Variants in HPS5 observed in about 807,000 individuals in gnomAD.
The protein encoded by HPS5 is HPS5 biogenesis of lysosomal organelles complex 2 subunit 2, also known as BLOC-2 complex member HPS5.
HPS5 carries 83 observed loss-of-function variants against 128.0 expected under a neutral mutation model. That is an observed-to-expected ratio of 0.65 (90% CI 0.54 to 0.78). The LOEUF is 0.78. HPS5 is among the 30% of genes least tolerant of loss of function. The pLI, the probability that HPS5 is intolerant of heterozygous loss-of-function variation, is 0.00. For synonymous variants in HPS5, 475 were observed against 470.2 expected (o/e 1.01, Z -0.13); for missense variants, 1,281 against 1,326.2 (o/e 0.97, Z 0.53).
chr11:18,299,755 G>C (rs1052967578), intron 9 of HPS5, among the ~76,000 whole-genome samples: 7 of 152,296 alleles, frequency 4.6e-5, no homozygotes, highest in Admixed American at 4.6e-4. Context: ...TAAAGACTCA[G>C]GGCAATAGAG....
intron 8 of HPS5, among the ~76,000 whole-genome samples, chr11:18,301,642 ACAG>A (rs1307941304): frequency 6.6e-6 from 1 of 152,110 alleles, no homozygotes; most frequent in Non-Finnish European, 1.5e-5. Flanking sequence ...ACTTTTAAGA[ACAG>A]TAATATTTTG....
rs569784986 is a variant in HPS5 at position 18,283,697 on chromosome 11, A to AT, written c.3058+97dup. On this transcript the variant is annotated intron_variant, in intron 21 of 22. Transcript: ENST00000349215. ...AACTAAGTGGAATCACATATTAAAT[A>AT]TATGATCATTGAAAGGTTCACCAAA... 844 of 797,554 alleles carry AT rather than the reference A, an allele frequency of 1.1e-3. 10 individuals are homozygous for AT. Among genetic ancestry groups the AT allele is most frequent in the South Asian group, 5.6e-3 (402 of 72,364 alleles). 49.4% of individuals were successfully genotyped at this position (797,554 alleles called of 1,614,324 possible).
chr11:18,296,099 T>A lies in HPS5; in HGVS notation c.1534A>T (p.Met512Leu). 6.2e-7 allele frequency: 1 copy of A among 1,613,298 alleles called. No individual in the cohort carries two copies. The highest frequency in any genetic ancestry group is 1.6e-4 in the Middle Eastern group (1 of 6,062). The change falls in exon 13 of 23, where the codon ATG becomes TTG. Residue 512 changes from methionine to leucine, a missense_variant. Met to Leu is a conservative substitution (Grantham distance 15). Transcript: ENST00000349215. ...GTTTCATTCTTATCTGTCTCAAACA[T>A]CACTGGAGCATGAGAAACATTGTCT... is the stretch of plus-strand genomic sequence containing the variant. ...NEDNVSHAPV[M>L]FETDKNETFL...
intron 12 of HPS5, 26 bp from the exon 13 acceptor site, chr11:18,296,148 GAAAC>G (rs1861043956): frequency 1.9e-6 from 3 of 1,609,844 alleles, no homozygotes; most frequent in Non-Finnish European, 2.5e-6. Context: ...AGGAAAAAAA[GAAAC>G]AAAATCTAAT....
At chr11:18,282,794 T>C (rs1404844932) in intron 21 of HPS5, among the ~76,000 whole-genome samples, 1 of 152,070 alleles carries the variant, frequency 6.6e-6, no homozygotes, top group African/African-American at 2.4e-5. Flanking sequence ...TGATTCTGCC[T>C]GGAAGATCTG....
chr11:18,288,762 C>T (rs1465235181), intron 16 of HPS5, among the ~76,000 whole-genome samples: 1 of 101,306 alleles, frequency 9.9e-6, no homozygotes, highest in Non-Finnish European at 2.1e-5. Context: ...GTGTGTGCAG[C>T]GACGGGGTCT....
chr11:18,294,085 T>A (rs1199315051), intron 14 of HPS5, among the ~76,000 whole-genome samples: 2 of 152,202 alleles, frequency 1.3e-5, no homozygotes, highest in African/African-American at 4.8e-5. Context: ...TTCCCTGAAC[T>A]ATAAGGCAGA....
intron 14 of HPS5, among the ~76,000 whole-genome samples, chr11:18,294,542 G>C (rs1375463315): frequency 6.6e-6 from 1 of 152,088 alleles, no homozygotes; most frequent in Non-Finnish European, 1.5e-5. Context: ...AGAGATTATG[G>C]GGGAAGGAGG....
At chr11:18,289,046 AG>A (rs1264415373) in intron 16 of HPS5, among the ~76,000 whole-genome samples, 1 of 152,168 alleles carries the variant, frequency 6.6e-6, no homozygotes, top group Non-Finnish European at 1.5e-5. Context: ...AAGCTGGGCA[AG>A]TATTTTTCAA....
At chr11:18,296,441 A>AT (rs1479607280) in intron 12 of HPS5, 2 of 551,660 alleles carry the variant, frequency 3.6e-6, no homozygotes, top group Non-Finnish European at 6.4e-6. Context: ...AAGGAAGGCA[A>AT]TGACCCCCAA....
Position 18,285,329 on chromosome 11 carries a change from A to G in HPS5, c.2951+17T>C. On this transcript the variant is annotated intron_variant, in intron 20 of 22. Transcript: ENST00000349215. ...GTTTCTAACCTTAACTTCAGTTTCT[A>G]AAAAATTCTCACTTACCCACAAGAC... The G allele has an allele frequency of 1.3e-6, 2 of 1,520,428 alleles. No individual in the cohort carries two copies. The highest frequency in any genetic ancestry group is 1.1e-5 in the South Asian group (1 of 89,014). The allele number at this position is 1,520,428 out of a possible 1,614,324, so 94.2% of individuals were successfully genotyped here.
chr11:18,297,798 G>C, intron 10 of HPS5, 81 bp from the exon 11 acceptor site: 1 of 1,367,852 alleles, frequency 7.3e-7, no homozygotes, highest in East Asian at 2.3e-5. Flanking sequence ...AAGAGGTCTA[G>C]GCCGGGCACG....
Position 18,292,002 on chromosome 11 carries a change from G to A in HPS5, c.1880C>T (p.Pro627Leu). The A allele has an allele frequency of 6.2e-7, 1 of 1,613,716 alleles. No homozygotes were observed. Among genetic ancestry groups the A allele is most frequent in the Non-Finnish European group, 8.5e-7 (1 of 1,179,850 alleles). The change falls in exon 16 of 23, where the codon CCT becomes CTT. Residue 627 changes from proline (P) to leucine (L), a missense_variant. Coordinates refer to ENST00000349215, the MANE Select transcript of HPS5 (RefSeq NM_181507.2). ...TAEAMTKLQDPLVLFESESLR... is the reference protein window; with the variant it reads ...TAEAMTKLQDLLVLFESESLR... Reference sequence around the variant, plus strand: ...AGACTCGGATTCAAATAAAACCAGAGGGTCCTGTAGCTTGGTCCTATACAA... The same window carrying A: ...AGACTCGGATTCAAATAAAACCAGAAGGTCCTGTAGCTTGGTCCTATACAA...
At chr11:18,282,457 G>T (rs1352249560) in intron 21 of HPS5, among the ~76,000 whole-genome samples, 1 of 151,250 alleles carries the variant, frequency 6.6e-6, no homozygotes, top group African/African-American at 2.4e-5. Flanking sequence ...GAGAGACAGG[G>T]TCTCACTACC....
chr11:18,300,714 A>T, intron 9 of HPS5, 114 bp downstream of exon 9: 1 of 580,014 alleles, frequency 1.7e-6, no homozygotes, highest in Non-Finnish European at 3.1e-6. Flanking sequence ...AAAAAAAAAA[A>T]AAAAAAGTCA....
chr11:18,279,922 A>G lies in HPS5; in HGVS notation c.3350T>C (p.Leu1117Pro). The G allele has an allele frequency of 6.2e-7, 1 of 1,614,228 alleles. No individual in the cohort carries two copies. Among genetic ancestry groups the G allele is most frequent in the East Asian group, 2.2e-5 (1 of 44,890 alleles). ...CCAGAGAAACCGATCGCATTTTTCA[A>G]GCATGCTTTGTATCAAGGCCCTGAA... The part of the protein sequence containing the change: ...KRQRALIQSM[L>P]EKCDRFLWSQ... Residue 1117 changes from leucine to proline, a missense_variant, in exon 23 of 23, where the codon CTT becomes CCT. Physicochemically the swap from Leu to Pro is moderately conservative, Grantham distance 98 (BLOSUM62 -3). Coordinates refer to ENST00000349215, the MANE Select transcript of HPS5 (RefSeq NM_181507.2).
chr11:18,282,881 G>C (rs1590044866), intron 21 of HPS5, among the ~76,000 whole-genome samples: 2 of 152,118 alleles, frequency 1.3e-5, no homozygotes, highest in East Asian at 3.8e-4. Flanking sequence ...TATGCATGGG[G>C]CCCACATAAT....
intron 6 of HPS5, 91 bp downstream of exon 6, chr11:18,308,847 TCTGTATAA>T: frequency 9.1e-7 from 1 of 1,095,236 alleles, no homozygotes. Context: ...AGAAAAAAAA[TCTGTATAA>T]CTGATTGATG....
At chr11:18,309,828 C>T (rs556853516) in intron 5 of HPS5, among the ~76,000 whole-genome samples, 2 of 152,274 alleles carry the variant, frequency 1.3e-5, no homozygotes, top group African/African-American at 4.8e-5. Flanking sequence ...TGGCGAAACC[C>T]TGTCTCTACA....
Sources: allele counts gnomAD v4.1 joint callset (sites outside exome capture counted in the v4.1 genomes callset), GRCh38; gene constraint gnomAD v4.1.1; transcripts MANE v1.5; gene names NCBI Gene and HGNC (gene_info 2026-07-23, HGNC 2026-07-21).